ARL15: variants seen among roughly 807,000 people sequenced by gnomAD.
ARL15 encodes the protein ADP-ribosylation factor-like protein 15.
A neutral mutation model predicts 25.2 loss-of-function variants in ARL15; 19 were observed. The observed-to-expected ratio is 0.75, with a 90% confidence interval of 0.53 to 1.10. The LOEUF (loss-of-function observed/expected upper bound fraction) is 1.10. ARL15 is among the 50% of genes least tolerant of loss of function. The pLI, the probability that ARL15 is intolerant of heterozygous loss-of-function variation, is 0.00. For synonymous variants in ARL15, 94 were observed against 86.8 expected, an observed-to-expected ratio of 1.08 and a Z score of -0.46; for missense variants, 220 against 246.0, an observed-to-expected ratio of 0.89 and a Z score of 0.71.
intron 2 of ARL15, among the ~76,000 whole-genome samples, chr5:54,170,305 T>C (rs1037929616): frequency 5.3e-5 from 8 of 152,132 alleles, no homozygotes; most frequent in African/African-American, 1.9e-4. Context: ...ATCACAGTAA[T>C]CTTCTGCCTC....
intron 2 of ARL15, among the ~76,000 whole-genome samples, chr5:54,170,465 G>A (rs1460038557): frequency 6.6e-6 from 1 of 152,154 alleles, no homozygotes. Flanking sequence ...CCTGAGCACA[G>A]TATGAAAGGT....
At chr5:53,893,221 A>G (rs1744775376) in intron 4 of ARL15, among the ~76,000 whole-genome samples, 1 of 152,142 alleles carries the variant, frequency 6.6e-6, no homozygotes, top group Non-Finnish European at 1.5e-5. Context: ...ACGGATGTCA[A>G]ATTGTACAAG....
chr5:54,059,987 T>C (rs1324566349), intron 4 of ARL15, among the ~76,000 whole-genome samples: 2 of 151,958 alleles, frequency 1.3e-5, no homozygotes, highest in African/African-American at 4.8e-5. Context: ...ATACCCTCTA[T>C]CATGTTCTAT....
chr5:53,912,661 T>C (rs572040967), intron 4 of ARL15, among the ~76,000 whole-genome samples: 10 of 152,344 alleles, frequency 6.6e-5, no homozygotes, highest in Non-Finnish European at 1.2e-4. Flanking sequence ...CACATTGATA[T>C]GATCAAGGTT....
At chr5:54,195,596 C>T (rs1444163330) in intron 1 of ARL15, among the ~76,000 whole-genome samples, 1 of 152,022 alleles carries the variant, frequency 6.6e-6, no homozygotes, top group African/African-American at 2.4e-5. Flanking sequence ...AAAGTAATAC[C>T]TGTAATGAAT....
chr5:53,936,282 C>G (rs138340255), intron 4 of ARL15, among the ~76,000 whole-genome samples: 1 of 152,140 alleles, frequency 6.6e-6, no homozygotes, highest in African/African-American at 2.4e-5. Context: ...GTGCATTTAT[C>G]CTCACCAACT....
chr5:53,963,634 C>G (rs1054615180), intron 4 of ARL15, among the ~76,000 whole-genome samples: 1 of 152,034 alleles, frequency 6.6e-6, no homozygotes, highest in Non-Finnish European at 1.5e-5. Flanking sequence ...ATGGTGAAAC[C>G]CTGTCTCTAC....
intron 4 of ARL15, among the ~76,000 whole-genome samples, chr5:53,924,401 T>G (rs1158632562): frequency 1.3e-5 from 2 of 152,190 alleles, no homozygotes; most frequent in Non-Finnish European, 2.9e-5. Flanking sequence ...TTAAAACTGT[T>G]TAGATAAATT....
intron 4 of ARL15, among the ~76,000 whole-genome samples, chr5:54,072,388 C>T (rs1332652767): frequency 1.3e-5 from 2 of 152,258 alleles, no homozygotes; most frequent in African/African-American, 4.8e-5. Flanking sequence ...CAAGGACACA[C>T]ATGGTTGGCA....
At chr5:53,904,547 A>G (rs1745177799) in intron 4 of ARL15, among the ~76,000 whole-genome samples, 1 of 152,174 alleles carries the variant, frequency 6.6e-6, no homozygotes, top group South Asian at 2.1e-4. Context: ...CTTCCCAAGT[A>G]TCTTTAACTT....
At chr5:54,210,492 T>C (rs189505872) in intron 1 of ARL15, among the ~76,000 whole-genome samples, 1 of 152,222 alleles carries the variant, frequency 6.6e-6, no homozygotes, top group African/African-American at 2.4e-5. Context: ...TTATATTTGA[T>C]TATCAAGCTA....
intron 4 of ARL15, among the ~76,000 whole-genome samples, chr5:54,080,538 A>G (rs1303215302): frequency 6.6e-6 from 1 of 152,210 alleles, no homozygotes; most frequent in East Asian, 1.9e-4. Flanking sequence ...CGTCCCCAAG[A>G]AGAAAAAGGC....
Position 54,147,677 on chromosome 5 carries a change from C to A in ARL15, c.253+6903G>T, listed in dbSNP as rs541947828. 8.5e-5 allele frequency among the ~76,000 whole-genome samples: 13 copies of A among 152,282 alleles called. No homozygotes were observed. In the East Asian group the frequency reaches 2.5e-3, roughly 29 times the overall value. On this transcript the variant is annotated intron_variant, in intron 3 of 4. Coordinates refer to ENST00000504924, the MANE Select transcript of ARL15 (RefSeq NM_019087.3). ...TGCCAGGGAAATGGTTTCTCACCAT[C>A]CCTCCCATGGACACCTATGTCTGGA...
chr5:54,168,734 A>C (rs1754644400), intron 2 of ARL15, among the ~76,000 whole-genome samples: 1 of 152,046 alleles, frequency 6.6e-6, no homozygotes, highest in African/African-American at 2.4e-5. Context: ...GACCTTACCC[A>C]TCATATGAGA....
At chr5:54,044,618 A>G (rs915342920) in intron 4 of ARL15, among the ~76,000 whole-genome samples, 1 of 152,216 alleles carries the variant, frequency 6.6e-6, no homozygotes, top group South Asian at 2.1e-4. Flanking sequence ...GGGAAAAAAC[A>G]TTGTATCTCT....
chr5:53,963,205 A>G (rs1250676366), intron 4 of ARL15, among the ~76,000 whole-genome samples: 1 of 152,238 alleles, frequency 6.6e-6, no homozygotes, highest in Non-Finnish European at 1.5e-5. Context: ...TGAACGTGTT[A>G]TCTCCAAAGA....
At chr5:54,007,986 C>G (rs697109) in intron 4 of ARL15, among the ~76,000 whole-genome samples, 110,852 of 152,044 alleles carry the variant, frequency 0.73, 40,625 homozygotes, top group East Asian at 0.85. Context: ...GTGAGTCATG[C>G]AAAAATGCAC....
intron 3 of ARL15, among the ~76,000 whole-genome samples, chr5:54,116,181 T>C (rs1432577560): frequency 1.3e-5 from 2 of 152,148 alleles, no homozygotes; most frequent in Non-Finnish European, 2.9e-5. Flanking sequence ...TGGGGCATGA[T>C]CTCATAATCT....
chr5:53,977,845 C>T (rs1244255615), intron 4 of ARL15, among the ~76,000 whole-genome samples: 3 of 137,582 alleles, frequency 2.2e-5, no homozygotes, highest in East Asian at 5.2e-4. Context: ...GTCCCCCGGT[C>T]CTCTGCCCCC....
Sources: allele counts gnomAD v4.1 joint callset (sites outside exome capture counted in the v4.1 genomes callset), GRCh38; gene constraint gnomAD v4.1.1; transcripts MANE v1.5; gene names NCBI Gene and HGNC (gene_info 2026-07-23, HGNC 2026-07-21).